SERPINB12: variants seen among roughly 807,000 people sequenced by gnomAD.
The protein encoded by SERPINB12 is serpin family B member 12.
Under a neutral mutation model 41.1 loss-of-function variants are expected in SERPINB12, and 57 were observed. That is an observed-to-expected ratio of 1.39 (90% confidence interval 1.12 to 1.73). SERPINB12 has a LOEUF of 1.73. Among genes scored for constraint, SERPINB12 ranks in the 40% most tolerant of loss-of-function variants. The pLI, the probability that SERPINB12 is intolerant of heterozygous loss-of-function variation, is 0.00. For synonymous variants in SERPINB12, 180 were observed against 181.3 expected, an observed-to-expected ratio of 0.99 and a Z score of 0.06; for missense variants, 536 against 501.9, an observed-to-expected ratio of 1.07 and a Z score of -0.65.
rs1910837125 is a variant in SERPINB12 at position 63,559,700 on chromosome 18, G to C, written c.426G>C (p.Gln142His). The change falls in exon 4 of 8, where the codon CAG (glutamine) becomes CAC (histidine). Residue 142 changes from glutamine to histidine, a missense_variant. Physicochemically the swap from Gln to His is conservative, Grantham distance 24 (BLOSUM62 0). Transcript: ENST00000382768. ...TTGCCAACAGGCTTTATGGAGAGCA[G>C]GAATTCCCAATCTGTCAGGTGAGTT... ...LSIANRLYGEQEFPICQEYLD... is the reference protein window; with the variant it reads ...LSIANRLYGEHEFPICQEYLD... 6.2e-7 allele frequency: 1 copy of C among 1,613,938 alleles called. No individual in the cohort carries two copies. The highest frequency in any genetic ancestry group is 1.1e-5 in the South Asian group (1 of 91,052).
the SERPINB12 span, among the ~76,000 whole-genome samples, chr18:63,526,940 G>A: frequency 6.6e-6 from 1 of 152,106 alleles, no homozygotes; most frequent in East Asian, 1.9e-4. Context: ...GCATGTAACT[G>A]TACTGAATAT....
At chr18:63,531,586 C>T in the SERPINB12 span, among the ~76,000 whole-genome samples, 1 of 152,218 alleles carries the variant, frequency 6.6e-6, no homozygotes, top group East Asian at 1.9e-4. Context: ...AGATAATATT[C>T]CCTGTCTCCT....
At chr18:63,559,804 C>T (rs1910842880) in intron 4 of SERPINB12, 86 bp downstream of exon 4, 1 of 1,394,198 alleles carries the variant, frequency 7.2e-7, no homozygotes, top group South Asian at 1.3e-5. Flanking sequence ...CACCTGCCAT[C>T]TAGAACACAA....
the SERPINB12 span, among the ~76,000 whole-genome samples, chr18:63,529,730 G>T: frequency 6.6e-6 from 1 of 151,896 alleles, no homozygotes; most frequent in African/African-American, 2.4e-5. Flanking sequence ...GTTTGGGGTG[G>T]GAGAGGTGTT....
chr18:63,519,223 GCT>G, the SERPINB12 span, among the ~76,000 whole-genome samples: 505 of 152,282 alleles, frequency 3.3e-3, 2 homozygotes, highest in African/African-American at 0.012. Context: ...ACCTGATGTG[GCT>G]CTGTGAGCAC....
chr18:63,540,912 T>C (rs1008368690), upstream of SERPINB12, among the ~76,000 whole-genome samples: 1 of 152,136 alleles, frequency 6.6e-6, no homozygotes, highest in Non-Finnish European at 1.5e-5. Context: ...AAATTACAAA[T>C]TAGTATGAGC....
intron 2 of SERPINB12, 87 bp from the exon 3 acceptor site, chr18:63,558,265 C>T (rs925440588): frequency 3.4e-5 from 46 of 1,354,764 alleles, no homozygotes; most frequent in Non-Finnish European, 4.4e-5. Flanking sequence ...TAATCATTGC[C>T]ATTGTCTCAT....
Position 63,563,968 on chromosome 18 carries a change from C to A in SERPINB12, c.563-10C>A, listed in dbSNP as rs1911004692. On this transcript the variant is annotated splice_polypyrimidine_tract_variant and intron_variant, in intron 5 of 7. Coordinates refer to ENST00000382768, the MANE Select transcript of SERPINB12 (RefSeq NM_001307928.2). The stretch of plus-strand genomic sequence containing the variant: ...TCATACTCAGGATATTCTCTGGGAT[C>A]TTTTTTTAGGTAAAATCAAGGAACT... 6.3e-7 allele frequency: 1 copy of A among 1,597,060 alleles called. No homozygotes were observed.
In SERPINB12 at chr18:63,558,306, C is replaced by T. The variant is rs1184882681; in HGVS notation, c.169-46C>T. 4 of 1,565,250 alleles carry T rather than the reference C, an allele frequency of 2.6e-6. No homozygotes were observed. The South Asian group carries it at 4.8e-5, about 19-fold the overall frequency. On this transcript the variant is annotated intron_variant, in intron 2 of 7. Coordinates refer to ENST00000382768, the MANE Select transcript of SERPINB12 (RefSeq NM_001307928.2). Reference sequence around the variant, plus strand: ...AATGTTTCTGAAGTTATTCAGGCTTCCCTCTGTTCATATTATCTGAAAGAC... The same window carrying T: ...AATGTTTCTGAAGTTATTCAGGCTTTCCTCTGTTCATATTATCTGAAAGAC...
the SERPINB12 span, among the ~76,000 whole-genome samples, chr18:63,529,343 A>G: frequency 2.0e-5 from 3 of 152,328 alleles, no homozygotes; most frequent in East Asian, 1.9e-4. Flanking sequence ...GATGCCCCCA[A>G]CGAAGTGTTT....
intron 3 of SERPINB12, among the ~76,000 whole-genome samples, chr18:63,558,805 G>A (rs1910768448): frequency 6.6e-6 from 1 of 152,148 alleles, no homozygotes; most frequent in Non-Finnish European, 1.5e-5. Context: ...GTAAGGGGTA[G>A]GGTCAGCTGT....
At chr18:63,565,380 T>C (rs1369757132) in intron 6 of SERPINB12, 65 bp from the exon 7 acceptor site, 20 of 1,470,678 alleles carry the variant, frequency 1.4e-5, no homozygotes, top group Middle Eastern at 1.8e-4. Context: ...TCCGTGAAGC[T>C]GGGGCCATAT....
chr18:63,568,851 T>G lies in SERPINB12; in HGVS notation c.*1840T>G, dbSNP rs1911203751. On this transcript the variant is annotated 3_prime_UTR_variant, in exon 8 of 8. Coordinates refer to ENST00000382768, the MANE Select transcript of SERPINB12 (RefSeq NM_001307928.2). The stretch of plus-strand genomic sequence containing the variant: ...CAAGTTCCATGTTCTCCATACAACC[T>G]TCTCATTGTTGAAGCTCACTTACGA... 2.0e-5 allele frequency among the ~76,000 whole-genome samples: 3 copies of G among 152,216 alleles called. No homozygotes were observed.
chr18:63,546,418 T>C (rs962751941), intron 1 of SERPINB12, among the ~76,000 whole-genome samples: 2 of 152,230 alleles, frequency 1.3e-5, no homozygotes, highest in African/African-American at 4.8e-5. Context: ...TGTTTTCAGT[T>C]GTAAAATATG....
intron 1 of SERPINB12, among the ~76,000 whole-genome samples, chr18:63,551,272 C>G (rs974450867): frequency 2.6e-5 from 4 of 151,360 alleles, no homozygotes; most frequent in African/African-American, 4.9e-5. Context: ...CCATCTCAAA[C>G]AAACAAACAA....
At chr18:63,535,723 T>C in the SERPINB12 span, among the ~76,000 whole-genome samples, 1 of 152,178 alleles carries the variant, frequency 6.6e-6, no homozygotes, top group Non-Finnish European at 1.5e-5. Context: ...TCAGTACTTG[T>C]GCTATGGTTG....
intron 5 of SERPINB12, among the ~76,000 whole-genome samples, chr18:63,563,035 C>A (rs947633257): frequency 2.6e-5 from 4 of 152,316 alleles, no homozygotes; most frequent in East Asian, 3.9e-4. Context: ...CCTGAGGACC[C>A]ATTCCTGCCA....
chr18:63,559,876 T>A (rs1179788018), intron 4 of SERPINB12, among the ~76,000 whole-genome samples, 158 bp downstream of exon 4: 1 of 152,180 alleles, frequency 6.6e-6, no homozygotes, highest in Non-Finnish European at 1.5e-5. Context: ...CCTCTTTCAG[T>A]CCCACAGTTT....
intron 1 of SERPINB12, among the ~76,000 whole-genome samples, chr18:63,554,679 A>G (rs1432956753): frequency 6.6e-6 from 1 of 152,236 alleles, no homozygotes; most frequent in Non-Finnish European, 1.5e-5. Flanking sequence ...TGGGGAAGGC[A>G]AGATACCTGT....
Sources: allele counts gnomAD v4.1 joint callset (sites outside exome capture counted in the v4.1 genomes callset), GRCh38; gene constraint gnomAD v4.1.1; transcripts MANE v1.5; gene names NCBI Gene and HGNC (gene_info 2026-07-23, HGNC 2026-07-21).